Variants in NUBP1 observed in about 807,000 individuals in gnomAD.
NUBP1 encodes the protein NUBP iron-sulfur cluster assembly factor 1, cytosolic.
Under a neutral mutation model 41.8 loss-of-function variants are expected in NUBP1, and 46 were observed. That is an observed-to-expected ratio of 1.10 (90% CI 0.87 to 1.41). The LOEUF (loss-of-function observed/expected upper bound fraction) is 1.41. Ranked by LOEUF, NUBP1 falls within the 40% of genes most tolerant of loss-of-function variation. NUBP1 has a pLI of 0.00. For missense variants in NUBP1, 494 were observed against 414.0 expected, an observed-to-expected ratio of 1.19 and a Z score of -1.68; for synonymous variants, 189 against 154.6, an observed-to-expected ratio of 1.22 and a Z score of -1.65.
intron 4 of NUBP1, among the ~76,000 whole-genome samples, chr16:10,753,251 G>A (rs1900404764): frequency 6.6e-6 from 1 of 152,208 alleles, no homozygotes; most frequent in South Asian, 2.1e-4. Flanking sequence ...CCTCCTCAGA[G>A]GGGAAGGGAA....
chr16:10,758,077 G>A (rs754327755), intron 7 of NUBP1, 50 bp downstream of exon 7: 2 of 1,589,180 alleles, frequency 1.3e-6, no homozygotes, highest in South Asian at 2.2e-5. Context: ...TCCACACTGT[G>A]AGATTTCTTT....
chr16:10,758,586 G>A (rs901801704), intron 7 of NUBP1, among the ~76,000 whole-genome samples: 1 of 152,190 alleles, frequency 6.6e-6, no homozygotes, highest in Non-Finnish European at 1.5e-5. Flanking sequence ...GGTCAAGAAT[G>A]CTTTTTGAAC....
rs751397532 is a variant in NUBP1, at chr16:10,756,724, G to A, written c.395G>A (p.Gly132Asp). Residue 132 changes from glycine (G) to aspartate (D), a missense_variant, in exon 6 of 11, where the codon GGC becomes GAC. Physicochemically the swap from Gly to Asp is moderately conservative, Grantham distance 94. Coordinates refer to ENST00000283027, the MANE Select transcript of NUBP1 (RefSeq NM_002484.4). The part of the protein sequence containing the change: ...VEDNLGVMSV[G>D]FLLSSPDDAV... ...GACAACCTGGGGGTGATGTCAGTGG[G>A]CTTCCTGCTCAGCAGTCCTGATGAT... is the stretch of plus-strand genomic sequence containing the variant. 6.3e-7 allele frequency: 1 copy of A among 1,577,748 alleles called. No individual in the cohort carries two copies. The highest frequency in any genetic ancestry group is 8.6e-7 in the Non-Finnish European group (1 of 1,166,098).
At chr16:10,755,206 C>T (rs1033024343) in intron 4 of NUBP1, among the ~76,000 whole-genome samples, 2 of 152,112 alleles carry the variant, frequency 1.3e-5, no homozygotes, top group Non-Finnish European at 2.9e-5. Context: ...TTTCAGTGTG[C>T]GCTTTGTGTG....
At chr16:10,762,071 C>T (rs2030003780) in intron 9 of NUBP1, 1 of 505,068 alleles carries the variant, frequency 2.0e-6, no homozygotes. Context: ...GCAAGCAGGC[C>T]TCAGGCAGAG....
rs1235118796 is a variant in NUBP1 at position 10,749,955 on chromosome 16, T to C, written c.259-2655T>C. ...GCCTGAGCCATGAGACAGCCAAGAG[T>C]CATACACTGTCTTCCACTGCAAAAG... On this transcript the variant is annotated intron_variant, in intron 3 of 10. Transcript: ENST00000283027. The surrounding 1 kb of genome is among the most constrained non-coding windows in gnomAD (Gnocchi z 4.1). Among the ~76,000 whole-genome samples the C allele has an allele frequency of 6.6e-6, 1 of 151,952 alleles. No homozygotes were observed. The highest frequency in any genetic ancestry group is 1.5e-5 in the Non-Finnish European group (1 of 67,986).
At chr16:10,762,089 G>A in intron 9 of NUBP1, 1 of 460,410 alleles carries the variant, frequency 2.2e-6, no homozygotes, top group South Asian at 3.1e-5. Context: ...GAGGGGTGAG[G>A]CCTGGAAGAA....
intron 4 of NUBP1, among the ~76,000 whole-genome samples, chr16:10,754,336 G>A (rs181266447): frequency 6.6e-6 from 1 of 152,000 alleles, no homozygotes; most frequent in East Asian, 1.9e-4. Flanking sequence ...TCCGCCTCCC[G>A]GGCTCAAGCA....
rs1483076192 is a variant in NUBP1 at position 10,744,045 on chromosome 16, C to T, written c.104C>T (p.Ala35Val). 5 of 1,481,670 alleles carry T rather than the reference C, an allele frequency of 3.4e-6. No homozygotes were observed. Among genetic ancestry groups the T allele is most frequent in the Non-Finnish European group, 4.5e-6 (5 of 1,107,458 alleles). 91.8% of individuals were successfully genotyped at this position (1,481,670 alleles called of 1,614,324 possible). The change falls in exon 2 of 11, where the codon GCG becomes GTG. Residue 35 changes from alanine to valine, a missense_variant. Ala to Val is a moderately conservative substitution (Grantham distance 64). Coordinates refer to ENST00000283027, the MANE Select transcript of NUBP1 (RefSeq NM_002484.4). ...CPNQRLCASG[A>V]GATPDTAIEE... is the part of the protein sequence containing the mutation. ...AACCAGCGGCTGTGCGCTTCTGGAGCGGGGGCCACTCCGGACACGGGTGAG... is the reference window on the plus strand; with the variant it reads ...AACCAGCGGCTGTGCGCTTCTGGAGTGGGGGCCACTCCGGACACGGGTGAG...
Position 10,767,595 on chromosome 16 carries a change from T to G in NUBP1, c.821-354T>G, listed in dbSNP as rs1301840952. 12 of 455,554 alleles carry G rather than the reference T, an allele frequency of 2.6e-5. No individual in the cohort carries two copies. The highest frequency in any genetic ancestry group is 4.6e-5 in the Non-Finnish European group (12 of 259,882). 28.2% of individuals were successfully genotyped at this position (455,554 alleles called of 1,614,324 possible). A position where few individuals can be genotyped will look rare whatever the true frequency, so the allele number is the denominator to read the frequency against. ...CCTTTTATGCCATATCCTTTTGCAT[T>G]CTGTACTTTTTTTAACCATGTGCAT... On this transcript the variant is annotated intron_variant, in intron 9 of 10. Transcript: ENST00000283027. This position sits in a 1 kb window ranked among gnomAD's most constrained non-coding sequence, Gnocchi z 4.6.
At position 10,744,015 on chromosome 16, in the gene NUBP1, G is replaced by T; in HGVS notation, c.74G>T (p.Cys25Phe). 2 of 1,580,446 alleles carry T rather than the reference G, an allele frequency of 1.3e-6. No homozygotes were observed. Among genetic ancestry groups the T allele is most frequent in the Non-Finnish European group, 1.7e-6 (2 of 1,169,080 alleles). The change falls in exon 2 of 11, where the codon TGC (cysteine) becomes TTC (phenylalanine). Residue 25 changes from cysteine (C) to phenylalanine (F), a missense_variant. By Grantham distance (205) the Cys-to-Phe change is radical. Transcript: ENST00000283027. ...GGCAGAGGGGCTTCATGTCAGGGAT[G>T]CCCCAACCAGCGGCTGTGCGCTTCT... ...QAGRGASCQG[C>F]PNQRLCASGA...
At chr16:10,754,742 C>G (rs1053671094) in intron 4 of NUBP1, among the ~76,000 whole-genome samples, 1 of 151,930 alleles carries the variant, frequency 6.6e-6, no homozygotes, top group Non-Finnish European at 1.5e-5. Flanking sequence ...AAGAGTCAGG[C>G]AAATGTTCTA....
chr16:10,749,906 G>A lies in NUBP1; in HGVS notation c.258+2630G>A, dbSNP rs1400167134. On this transcript the variant is annotated intron_variant, in intron 3 of 10. Coordinates refer to ENST00000283027, the MANE Select transcript of NUBP1 (RefSeq NM_002484.4). The surrounding 1 kb of genome is among the most constrained non-coding windows in gnomAD (Gnocchi z 4.1). ...AGGGAGTGTGTAAGTTGTGGTGAAGGCAGAAGGAGCCTCTGTAGCATAAGC... is the reference window on the plus strand; with the variant it reads ...AGGGAGTGTGTAAGTTGTGGTGAAGACAGAAGGAGCCTCTGTAGCATAAGC... Among the ~76,000 whole-genome samples, 1 of 152,200 alleles carries A rather than the reference G, an allele frequency of 6.6e-6. No individual in the cohort carries two copies. Among genetic ancestry groups the A allele is most frequent in the Non-Finnish European group, 1.5e-5 (1 of 68,028 alleles).
In NUBP1 at chr16:10,767,601, C is replaced by T. The variant is rs2031093423; in HGVS notation, c.821-348C>T. ...ATGCCATATCCTTTTGCATTCTGTA[C>T]TTTTTTTAACCATGTGCATTCATGA... On this transcript the variant is annotated intron_variant, in intron 9 of 10. Coordinates refer to ENST00000283027, the MANE Select transcript of NUBP1 (RefSeq NM_002484.4). This position sits in a 1 kb window ranked among gnomAD's most constrained non-coding sequence, Gnocchi z 4.6. The T allele has an allele frequency of 1.1e-5, 5 of 451,872 alleles. No individual in the cohort carries two copies. The South Asian group carries it at 2.7e-4, about 25-fold the overall frequency. 28.0% of individuals were successfully genotyped at this position (451,872 alleles called of 1,614,324 possible).
chr16:10,754,967 C>T (rs1173295892), intron 4 of NUBP1, among the ~76,000 whole-genome samples: 3 of 152,110 alleles, frequency 2.0e-5, no homozygotes, highest in African/African-American at 7.2e-5. Context: ...ATCACTTGAA[C>T]CTGGGAGGTG....
intron 3 of NUBP1, 107 bp from the exon 4 acceptor site, chr16:10,752,503 G>C (rs575924559): frequency 4.8e-6 from 4 of 825,524 alleles, no homozygotes; most frequent in African/African-American, 1.7e-5. Flanking sequence ...CCCAGTTTCT[G>C]TCTTCTCCCC....
chr16:10,758,117 C>G (rs1401413323), intron 7 of NUBP1, 90 bp downstream of exon 7: 2 of 1,439,428 alleles, frequency 1.4e-6, no homozygotes, highest in Non-Finnish European at 1.9e-6. Flanking sequence ...CTGGTCTCAC[C>G]AAGGCTCTTC....
chr16:10,758,159 G>A lies in NUBP1; in HGVS notation c.606+132G>A, dbSNP rs1022250640. 8 of 1,034,000 alleles carry A rather than the reference G, an allele frequency of 7.7e-6. No homozygotes were observed. In the African/African-American group the frequency reaches 1.1e-4, roughly 14 times the overall value. The allele number at this position is 1,034,000 out of a possible 1,614,324, so 64.1% of individuals were successfully genotyped here. A position where few individuals can be genotyped will look rare whatever the true frequency, so the allele number is the denominator to read the frequency against. ...TGTGTTCCGCAGCTGCATCTGATGT[G>A]GGTCTGCAGAAACCTCGTGTTAAAA... On this transcript the variant is annotated intron_variant, in intron 7 of 10. Coordinates refer to ENST00000283027, the MANE Select transcript of NUBP1 (RefSeq NM_002484.4).
intron 9 of NUBP1, 168 bp downstream of exon 9, chr16:10,762,027 G>C (rs1425115892): frequency 5.2e-6 from 3 of 574,916 alleles, no homozygotes; most frequent in Non-Finnish European, 3.1e-6. Context: ...GCCACCGGGA[G>C]AGAGGCCGAG....
Sources: allele counts gnomAD v4.1 joint callset (sites outside exome capture counted in the v4.1 genomes callset), GRCh38; gene constraint gnomAD v4.1.1; non-coding constraint Gnocchi (gnomAD v3.1); transcripts MANE v1.5; gene names NCBI Gene and HGNC (gene_info 2026-07-23, HGNC 2026-07-21).